SPATS1: variants seen among roughly 807,000 people sequenced by gnomAD.
SPATS1 encodes spermatogenesis-associated serine-rich protein 1.
In SPATS1, 23 loss-of-function variants were observed where a neutral mutation model predicts 33.6. That is an observed-to-expected ratio of 0.68 (90% confidence interval 0.49 to 0.97). The LOEUF (loss-of-function observed/expected upper bound fraction) is 0.97, where lower values mean the gene tolerates loss of function less well. Among genes scored for constraint, SPATS1 ranks in the 50% least tolerant of loss-of-function variants. SPATS1 has a pLI of 0.00. For missense variants in SPATS1, 327 were observed against 361.0 expected, an observed-to-expected ratio of 0.91 and a Z score of 0.76; for synonymous variants, 131 against 125.6, an observed-to-expected ratio of 1.04 and a Z score of -0.29.
intron 3 of SPATS1, among the ~76,000 whole-genome samples, chr6:44,356,644 A>T (rs1322220352): frequency 6.6e-6 from 1 of 152,180 alleles, no homozygotes; most frequent in Non-Finnish European, 1.5e-5. Flanking sequence ...CTGAGAGTTC[A>T]GTTCCCCACT....
chr6:44,342,807 TGG>T, intron 1 of SPATS1, 39 bp downstream of exon 1: 1 of 783,162 alleles, frequency 1.3e-6, no homozygotes, highest in Non-Finnish European at 2.0e-6. Context: ...GGGCCTCCCC[TGG>T]GGAAGGGGGT....
At chr6:44,372,051 C>A (rs1789655560) in intron 7 of SPATS1, among the ~76,000 whole-genome samples, 1 of 151,082 alleles carries the variant, frequency 6.6e-6, no homozygotes, top group Non-Finnish European at 1.5e-5. Context: ...GTCAAGAGAT[C>A]AAGACCATCC....
rs565787368 is a variant in SPATS1, at chr6:44,362,059, C to T, written c.574+67C>T. On this transcript the variant is annotated intron_variant, in intron 5 of 8. Transcript: ENST00000674044. ...AACTCTCGAGTCGTGATTCTATAGG[C>T]CCTGCATTCTGTAGCTGGGGGCAGC... The T allele has an allele frequency of 1.9e-6, 3 of 1,590,604 alleles. No homozygotes were observed. The African/African-American group carries it at 4.0e-5, about 21-fold the overall frequency.
chr6:44,374,843 A>C (rs1005404287), intron 7 of SPATS1, among the ~76,000 whole-genome samples: 4 of 152,138 alleles, frequency 2.6e-5, no homozygotes, highest in African/African-American at 9.7e-5. Context: ...GGTTTCTACT[A>C]TTTGGCTTGT....
chr6:44,363,648 TTCCTTCCCTCCTTCCCTC>T (rs1789062383), intron 5 of SPATS1, among the ~76,000 whole-genome samples: 4 of 62,588 alleles, frequency 6.4e-5, no homozygotes, highest in African/African-American at 3.9e-4. Flanking sequence ...CTTTCCTTCC[TTCCTTCCCTCCTTCCCTC>T]CTTCCTTCCT....
At chr6:44,353,585 T>C (rs908425114) in intron 3 of SPATS1, among the ~76,000 whole-genome samples, 7 of 152,330 alleles carry the variant, frequency 4.6e-5, no homozygotes, top group Non-Finnish European at 7.4e-5. Flanking sequence ...GTTGGCTTTG[T>C]AATTAGTTGT....
chr6:44,360,502 A>G lies in SPATS1; in HGVS notation c.344A>G (p.Glu115Gly). ...LSFSHSDHSS[E>G]MSLPEVQKDK... The stretch of plus-strand genomic sequence containing the variant: ...TTCTCACATTCTGATCACTCCTCTG[A>G]AATGTCGTTGCCTGAAGTCCAAAAG... Residue 115 changes from glutamate to glycine, a missense_variant, in exon 4 of 9, where the codon GAA becomes GGA. Coordinates refer to ENST00000674044, the MANE Select transcript of SPATS1 (RefSeq NM_001372081.1). The G allele has an allele frequency of 6.2e-7, 1 of 1,614,148 alleles. No individual in the cohort carries two copies. The highest frequency in any genetic ancestry group is 1.6e-4 in the Middle Eastern group (1 of 6,062).
intron 2 of SPATS1, among the ~76,000 whole-genome samples, chr6:44,349,215 C>T (rs1231224618): frequency 7.2e-6 from 1 of 138,418 alleles, no homozygotes; most frequent in Admixed American, 8.1e-5. Flanking sequence ...AGGAGAATTG[C>T]TTGAACCCTG....
Position 44,368,367 on chromosome 6 carries a change from C to G in SPATS1, c.575-12C>G, listed in dbSNP as rs368925467. ...GCCCTTGTATGATTTTGTTTTCAAA[C>G]CTTCTCCACAGATATTGATCCCAGG... is the stretch of plus-strand genomic sequence containing the variant. On this transcript the variant is annotated splice_polypyrimidine_tract_variant and intron_variant, in intron 5 of 8. Coordinates refer to ENST00000674044, the MANE Select transcript of SPATS1 (RefSeq NM_001372081.1). 113 of 1,610,854 alleles carry G rather than the reference C, an allele frequency of 7.0e-5. 3 individuals are homozygous for G. The South Asian group carries it at 1.1e-3, about 16-fold the overall frequency.
rs3997539 is a variant in SPATS1 at position 44,346,280 on chromosome 6, C to CAAAA, written c.139+3054_139+3057dup. Among the ~76,000 whole-genome samples the CAAAA allele has an allele frequency of 4.5e-3, 651 of 144,566 alleles. 2 individuals carry two copies. Among genetic ancestry groups the CAAAA allele is most frequent in the Middle Eastern group, 7.4e-3 (2 of 272 alleles). 94.8% of individuals were successfully genotyped at this position (144,566 alleles called of 152,430 possible). Reference sequence around the variant, plus strand: ...TGGGTGACAGAACAAGACCCTGTCTCAAAAAAAAAAACAAACCCACAAAAT... The same window carrying CAAAA: ...TGGGTGACAGAACAAGACCCTGTCTCAAAAAAAAAAAAAAACAAACCCACAAAAT... On this transcript the variant is annotated intron_variant, in intron 2 of 8. Coordinates refer to ENST00000674044, the MANE Select transcript of SPATS1 (RefSeq NM_001372081.1).
intron 3 of SPATS1, 90 bp from the exon 4 acceptor site, chr6:44,360,355 TA>T (rs1788837643): frequency 6.5e-7 from 1 of 1,539,750 alleles, no homozygotes; most frequent in African/African-American, 1.4e-5. Flanking sequence ...CCAGTTCTCA[TA>T]AGCGAGGGCA....
chr6:44,362,334 C>A (rs2153367928), intron 5 of SPATS1, among the ~76,000 whole-genome samples: 1 of 152,334 alleles, frequency 6.6e-6, no homozygotes. Context: ...TGCTGCCTGG[C>A]ATACACATTT....
In SPATS1 at chr6:44,370,049, A is replaced by C; in HGVS notation, c.696-2A>C. ...TTTATGATTGCCTTTTCTGTTTTTC[A>C]GAGTGCCTTATGAAAAGAAATTTGA... On this transcript the variant is annotated splice_acceptor_variant, in intron 6 of 8. Transcript: ENST00000674044. LOFTEE classifies it high-confidence loss of function. 1 of 1,610,462 alleles carries C rather than the reference A, an allele frequency of 6.2e-7. No homozygotes were observed. Among genetic ancestry groups the C allele is most frequent in the East Asian group, 2.2e-5 (1 of 44,812 alleles).
chr6:44,367,239 C>T (rs1296557906), intron 5 of SPATS1, among the ~76,000 whole-genome samples: 1 of 152,170 alleles, frequency 6.6e-6, no homozygotes, highest in African/African-American at 2.4e-5. Context: ...TGGCGTGTGC[C>T]ACCACACCCA....
chr6:44,376,957 TG>T, intron 8 of SPATS1, 77 bp from the exon 9 acceptor site: 1 of 1,547,520 alleles, frequency 6.5e-7, no homozygotes, highest in Non-Finnish European at 8.9e-7. Flanking sequence ...AGCCAAGCAT[TG>T]GGGGTCGAGT....
intron 7 of SPATS1, 151 bp from the exon 8 acceptor site, chr6:44,376,207 C>T (rs1001724332): frequency 1.8e-6 from 1 of 570,186 alleles, no homozygotes; most frequent in Admixed American, 2.9e-5. Flanking sequence ...GAGGCAGGAG[C>T]AAACGGTGAA....
chr6:44,343,205 C>G lies in SPATS1; in HGVS notation c.110C>G (p.Ser37Cys). ...QLEKVPEKRDSGMTEVERTYS... is the reference protein window; with the variant it reads ...QLEKVPEKRDCGMTEVERTYS... ...GAGAAGGTTCCAGAAAAAAGGGACT[C>G]TGGCATGACCGAGGTGGAGAGGACC... Residue 37 changes from serine (S) to cysteine (C), a missense_variant, in exon 2 of 9, where the codon TCT becomes TGT. By Grantham distance (112) the Ser-to-Cys change is moderately radical. Coordinates refer to ENST00000674044, the MANE Select transcript of SPATS1 (RefSeq NM_001372081.1). The G allele has an allele frequency of 1.2e-6, 2 of 1,614,020 alleles. No individual in the cohort carries two copies. The highest frequency in any genetic ancestry group is 1.7e-6 in the Non-Finnish European group (2 of 1,180,016).
rs1462260853 is a variant in SPATS1 at position 44,379,296 on chromosome 6, A to G, written c.*2233A>G. On this transcript the variant is annotated 3_prime_UTR_variant, in exon 9 of 9. Coordinates refer to ENST00000674044, the MANE Select transcript of SPATS1 (RefSeq NM_001372081.1). ...GGGAGTCCTACACCATAAATATATTAAGGAAAACAACCGGCTGGGCGTGGT... is the reference window on the plus strand; with the variant it reads ...GGGAGTCCTACACCATAAATATATTGAGGAAAACAACCGGCTGGGCGTGGT... 2.6e-5 allele frequency among the ~76,000 whole-genome samples: 4 copies of G among 152,114 alleles called. No homozygotes were observed. Among genetic ancestry groups the G allele is most frequent in the African/African-American group, 9.7e-5 (4 of 41,422 alleles).
intron 3 of SPATS1, among the ~76,000 whole-genome samples, chr6:44,354,449 T>C (rs2153366424): frequency 6.6e-6 from 1 of 150,646 alleles, no homozygotes; most frequent in Middle Eastern, 3.4e-3. Context: ...AGTAAACATA[T>C]TTTTTGCACA....
Sources: gnomAD v4.1 joint callset for allele counts (sites outside exome capture counted in the v4.1 genomes callset) on GRCh38, gnomAD v4.1.1 for gene constraint, MANE v1.5 for transcripts, NCBI Gene and HGNC (gene_info 2026-07-23, HGNC 2026-07-21) for gene names.